Variants in TERF1 observed in about 807,000 individuals in gnomAD.
The protein encoded by TERF1 is telomeric repeat binding factor 1, also known as telomeric repeat-binding factor 1.
TERF1 carries 20 observed loss-of-function variants against 55.1 expected under a neutral mutation model. The ratio of observed to expected loss-of-function variants is 0.36; its 90% CI spans 0.26 to 0.53. The LOEUF (loss-of-function observed/expected upper bound fraction) is 0.53. Ranked by LOEUF, TERF1 falls within the 20% of genes least tolerant of loss-of-function variation. The probability of loss-of-function intolerance (pLI) is 0.91; values close to 1 mark genes in which losing one functional copy is unlikely to be tolerated. For synonymous variants in TERF1, 168 were observed against 181.2 expected (o/e 0.93, Z 0.59); for missense variants, 439 against 535.7 (o/e 0.82, Z 1.78).
chr8:73,025,093 AG>A, intron 5 of TERF1, 122 bp downstream of exon 5: 1 of 600,614 alleles, frequency 1.7e-6, no homozygotes, highest in East Asian at 3.3e-5. Flanking sequence ...TTTTGTAGAA[AG>A]GTGTGGTAAA....
At position 73,040,001 on chromosome 8, in the gene TERF1, C is replaced by CTTT. The variant is rs33975806; in HGVS notation, c.1143+797_1143+799dup. Among the ~76,000 whole-genome samples the CTTT allele has an allele frequency of 6.7e-4, 77 of 114,346 alleles. 2 individuals carry two copies. Among genetic ancestry groups the CTTT allele is most frequent in the African/African-American group, 2.3e-3 (72 of 30,694 alleles). The allele number at this position is 114,346 out of a possible 152,430, so 75.0% of individuals were successfully genotyped here. Reference sequence around the variant, plus strand: ...GAACCGTTTTCTTACTCGAAGGTGCCTTTTTTTTTTTTTTTTTGACAAGCT... The same window carrying CTTT: ...GAACCGTTTTCTTACTCGAAGGTGCCTTTTTTTTTTTTTTTTTTTTGACAAGCT... On this transcript the variant is annotated intron_variant, in intron 9 of 9. Coordinates refer to ENST00000276603, the MANE Select transcript of TERF1 (RefSeq NM_017489.3).
At chr8:73,040,977 A>G (rs1444091142) in intron 9 of TERF1, among the ~76,000 whole-genome samples, 1 of 152,012 alleles carries the variant, frequency 6.6e-6, no homozygotes, top group South Asian at 2.1e-4. Context: ...CTCTCCATTT[A>G]CATTTACCCA....
intron 8 of TERF1, 38 bp from the exon 9 acceptor site, chr8:73,039,073 TTAATG>T (rs766633114): frequency 1.8e-4 from 224 of 1,252,942 alleles, no homozygotes; most frequent in Non-Finnish European, 2.3e-4. Flanking sequence ...TCTTTTTTCT[TTAATG>T]TAAATCAATA....
intron 1 of TERF1, chr8:73,011,702 A>G (rs1215020765): frequency 1.3e-5 from 2 of 152,446 alleles, no homozygotes; most frequent in African/African-American, 4.8e-5. Flanking sequence ...CTTAAACCTC[A>G]TGAACCAACA....
At chr8:73,037,181 TATA>T (rs4007409) in intron 8 of TERF1, among the ~76,000 whole-genome samples, 75,815 of 130,366 alleles carry the variant, frequency 0.58, 23,257 homozygotes, top group Middle Eastern at 0.73. Flanking sequence ...TAATATATAA[TATA>T]ATAATATATA....
At chr8:73,025,475 G>A (rs185192734) in intron 5 of TERF1, among the ~76,000 whole-genome samples, 54 of 150,918 alleles carry the variant, frequency 3.6e-4, no homozygotes, top group African/African-American at 1.0e-3. Flanking sequence ...TAGCTGGGCC[G>A]GGCGCGGTGG....
intron 5 of TERF1, among the ~76,000 whole-genome samples, chr8:73,026,696 A>G (rs1457003428): frequency 6.7e-6 from 1 of 150,026 alleles, no homozygotes; most frequent in African/African-American, 2.5e-5. Context: ...CATTTTGTCT[A>G]TCAAATATAT....
chr8:73,015,247 G>T (rs1808449949), intron 2 of TERF1, among the ~76,000 whole-genome samples: 1 of 151,010 alleles, frequency 6.6e-6, no homozygotes, highest in African/African-American at 2.4e-5. Context: ...TCACCATAAT[G>T]CACTAAACTG....
chr8:73,025,520 A>G (rs1355239147), intron 5 of TERF1, among the ~76,000 whole-genome samples: 1 of 151,962 alleles, frequency 6.6e-6, no homozygotes, highest in Non-Finnish European at 1.5e-5. Context: ...TGGGAGGCCA[A>G]GGCAGGTGAA....
chr8:73,013,596 C>T, intron 1 of TERF1: 1 of 231,890 alleles, frequency 4.3e-6, no homozygotes, highest in Non-Finnish European at 8.4e-6. Flanking sequence ...TATAAGTTTC[C>T]AACCAATGAT....
chr8:73,015,452 A>AG (rs1808463452), intron 2 of TERF1, among the ~76,000 whole-genome samples: 1 of 152,000 alleles, frequency 6.6e-6, no homozygotes, highest in Non-Finnish European at 1.5e-5. Context: ...CTGTAATCCC[A>AG]GTACTTTGGG....
intron 6 of TERF1, among the ~76,000 whole-genome samples, chr8:73,028,571 A>AATTTTT (rs1554555223): frequency 1.9e-5 from 2 of 104,426 alleles, no homozygotes; most frequent in African/African-American, 7.6e-5. Flanking sequence ...ACGTAGACCC[A>AATTTTT]TTTTTTTTTT....
rs150474040 is a variant in TERF1, at chr8:73,029,307, C to T, written c.888-1029C>T. ...TCCATCCTTCATGAATACCAAAATC[C>T]ATGGATGCTCAAGTGTCTTACAAAA... On this transcript the variant is annotated intron_variant, in intron 6 of 9. Transcript: ENST00000276603. Among the ~76,000 whole-genome samples, 28 of 152,276 alleles carry T rather than the reference C, an allele frequency of 1.8e-4. No individual in the cohort carries two copies. The East Asian group carries it at 5.0e-3, about 27-fold the overall frequency.
chr8:73,010,498 A>G (rs920705876), intron 1 of TERF1: 1 of 152,218 alleles, frequency 6.6e-6, no homozygotes, highest in Admixed American at 6.5e-5. Context: ...GTGTAGACAT[A>G]GGTTACTATA....
intron 2 of TERF1, among the ~76,000 whole-genome samples, chr8:73,015,398 A>G (rs1278515759): frequency 6.6e-6 from 1 of 151,144 alleles, no homozygotes; most frequent in Admixed American, 6.6e-5. Context: ...AAAATTTTCT[A>G]ATAGCTATGT....
chr8:73,012,684 A>G (rs1489392511), intron 1 of TERF1, among the ~76,000 whole-genome samples: 3 of 151,796 alleles, frequency 2.0e-5, no homozygotes, highest in Non-Finnish European at 4.4e-5. Flanking sequence ...AAAAAAAAAA[A>G]GGTGCCGTTA....
chr8:73,022,271 A>G lies in TERF1; in HGVS notation c.593A>G (p.Glu198Gly). The G allele has an allele frequency of 6.3e-7, 1 of 1,590,714 alleles. No homozygotes were observed. Among genetic ancestry groups the G allele is most frequent in the East Asian group, 2.3e-5 (1 of 44,226 alleles). The part of the protein sequence containing the change: ...GNFKEAEEVF[E>G]RIFGDPNSHM... ...TTTAAAGAAGCAGAAGAAGTCTTTG[A>G]AAGAATATTTGGTGATCCAAATTCT... Residue 198 changes from glutamate to glycine, a missense_variant, in exon 4 of 10, where the codon GAA (glutamate) becomes GGA (glycine). Glu to Gly is a moderately conservative substitution (Grantham distance 98). Transcript: ENST00000276603.
Position 73,047,585 on chromosome 8 carries a change from G to C in TERF1, c.*1448G>C, listed in dbSNP as rs1416919890. The stretch of plus-strand genomic sequence containing the variant: ...CATTTCGAGTCATGTGCTTTATTTA[G>C]CAAGTGAGTAAAAATATTGGAATAT... On this transcript the variant is annotated 3_prime_UTR_variant, in exon 10 of 10. Coordinates refer to ENST00000276603, the MANE Select transcript of TERF1 (RefSeq NM_017489.3). The C allele has an allele frequency of 6.6e-6, 1 of 152,170 alleles. No homozygotes were observed. Among genetic ancestry groups the C allele is most frequent in the Non-Finnish European group, 1.5e-5 (1 of 68,032 alleles). 9.4% of individuals were successfully genotyped at this position (152,170 alleles called of 1,614,324 possible).
At chr8:73,023,156 T>C (rs1189892323) in intron 4 of TERF1, among the ~76,000 whole-genome samples, 1 of 152,206 alleles carries the variant, frequency 6.6e-6, no homozygotes, top group Non-Finnish European at 1.5e-5. Context: ...CTTTTGGGTT[T>C]ATATGAAGAG....
Sources: gnomAD v4.1 joint callset for allele counts (sites outside exome capture counted in the v4.1 genomes callset) on GRCh38, gnomAD v4.1.1 for gene constraint, MANE v1.5 for transcripts, NCBI Gene and HGNC (gene_info 2026-07-23, HGNC 2026-07-21) for gene names.